The following RIMS2 variants were observed in gnomAD, a reference collection of about 807,000 sequenced individuals.
The protein encoded by RIMS2 is regulating synaptic membrane exocytosis protein 2.
In RIMS2, 59 loss-of-function variants were observed where a neutral mutation model predicts 174.4. That is an observed-to-expected ratio of 0.34 (90% confidence interval 0.27 to 0.42). The LOEUF (loss-of-function observed/expected upper bound fraction) is 0.42, where lower values mean the gene tolerates loss of function less well. RIMS2 is among the 10% of genes least tolerant of loss of function. The pLI, the probability that RIMS2 is intolerant of heterozygous loss-of-function variation, is 1.00. For synonymous variants in RIMS2, 606 were observed against 572.5 expected (o/e 1.06, Z -0.84); for missense variants, 1,620 against 1,666.3 (o/e 0.97, Z 0.48).
intron 1 of RIMS2, among the ~76,000 whole-genome samples, chr8:103,668,737 G>A (rs1392630885): frequency 1.3e-5 from 2 of 151,676 alleles, no homozygotes; most frequent in East Asian, 3.9e-4. Flanking sequence ...CTGGAGTGTG[G>A]TGGCACAGTT....
intron 15 of RIMS2, among the ~76,000 whole-genome samples, chr8:103,974,056 G>A (rs1339989896): frequency 6.6e-6 from 1 of 152,060 alleles, no homozygotes; most frequent in Admixed American, 6.6e-5. Context: ...ACCAACCCTG[G>A]GCAATTGTTC....
chr8:103,563,517 T>C (rs1311166110), intron 1 of RIMS2, among the ~76,000 whole-genome samples: 2 of 152,180 alleles, frequency 1.3e-5, no homozygotes, highest in Non-Finnish European at 2.9e-5. Flanking sequence ...TCCATATCAT[T>C]ATCAGCATTT....
At chr8:103,894,642 A>T (rs2099266907) in intron 4 of RIMS2, among the ~76,000 whole-genome samples, 1 of 151,662 alleles carries the variant, frequency 6.6e-6, no homozygotes, top group South Asian at 2.1e-4. Flanking sequence ...AATTTCAATG[A>T]TAGGAAACAC....
intron 19 of RIMS2, among the ~76,000 whole-genome samples, chr8:104,240,562 A>C (rs1487743162): frequency 1.3e-5 from 2 of 152,242 alleles, no homozygotes; most frequent in Non-Finnish European, 2.9e-5. Flanking sequence ...AGCTGGATTT[A>C]TTTGATTATG....
At chr8:104,082,504 G>A (rs1037991748) in intron 19 of RIMS2, among the ~76,000 whole-genome samples, 1 of 152,108 alleles carries the variant, frequency 6.6e-6, no homozygotes, top group Non-Finnish European at 1.5e-5. Context: ...CTTAAACAAA[G>A]TTATGGCGTT....
chr8:103,832,606 T>C (rs945987627), intron 3 of RIMS2, among the ~76,000 whole-genome samples: 2 of 152,178 alleles, frequency 1.3e-5, no homozygotes, highest in Non-Finnish European at 2.9e-5. Flanking sequence ...TCTCATCATT[T>C]AGCTCCCACT....
rs553495221 is a variant in RIMS2 at position 104,128,015 on chromosome 8, AAAC to A, written c.3334+113405_3334+113407del. On this transcript the variant is annotated intron_variant, in intron 19 of 23. Transcript: ENST00000504942. Reference sequence around the variant, plus strand: ...TAACTCATGTAGCCTAAGGTTCTATAAACAACATAAATTTTTATCATATTAAAT... The same window carrying A: ...TAACTCATGTAGCCTAAGGTTCTATAAACATAAATTTTTATCATATTAAAT... Among the ~76,000 whole-genome samples, 126 of 152,346 alleles carry A rather than the reference AAAC, an allele frequency of 8.3e-4. No individual in the cohort carries two copies. The Middle Eastern group carries it at 0.01, about 12-fold the overall frequency.
intron 3 of RIMS2, among the ~76,000 whole-genome samples, chr8:103,805,375 CTT>C (rs2098643366): frequency 6.7e-6 from 1 of 149,424 alleles, no homozygotes; most frequent in South Asian, 2.1e-4. Flanking sequence ...TGCAGCTACT[CTT>C]GTTTTTTTAA....
At chr8:103,673,964 T>C (rs1336005486) in intron 1 of RIMS2, among the ~76,000 whole-genome samples, 1 of 152,232 alleles carries the variant, frequency 6.6e-6, no homozygotes, top group Non-Finnish European at 1.5e-5. Flanking sequence ...AGGCCACATC[T>C]TGAACTTTTT....
intron 17 of RIMS2, among the ~76,000 whole-genome samples, chr8:104,009,126 T>C (rs1198799794): frequency 6.6e-6 from 1 of 151,948 alleles, no homozygotes; most frequent in East Asian, 1.9e-4. Context: ...AGTTATTTAT[T>C]ATATACAAAT....
intron 1 of RIMS2, among the ~76,000 whole-genome samples, chr8:103,657,943 A>AGC (rs2096551116): frequency 1.3e-5 from 2 of 152,180 alleles, no homozygotes; most frequent in Non-Finnish European, 2.9e-5. Context: ...TGTATTTAAA[A>AGC]TCTAGACCCA....
chr8:104,181,651 A>G lies in RIMS2; in HGVS notation c.3335-63265A>G, dbSNP rs918023646. On this transcript the variant is annotated intron_variant, in intron 19 of 23. Transcript: ENST00000504942. ...CTTAAAAGTAATTTTATTTTAGATA[A>G]TTTTGTACTATTGCTTTTGAACTCT... Among the ~76,000 whole-genome samples the G allele has an allele frequency of 5.9e-5, 9 of 151,674 alleles. No homozygotes were observed. The Admixed American group carries it at 5.9e-4, about 10-fold the overall frequency.
At chr8:103,632,712 C>T (rs918463335) in intron 1 of RIMS2, among the ~76,000 whole-genome samples, 6 of 146,966 alleles carry the variant, frequency 4.1e-5, no homozygotes, top group South Asian at 2.2e-4. Context: ...TGAGCCACTG[C>T]GCCCGGCCAT....
chr8:104,132,622 T>A (rs755792718), intron 19 of RIMS2, among the ~76,000 whole-genome samples: 15 of 152,146 alleles, frequency 9.9e-5, no homozygotes, highest in Non-Finnish European at 2.2e-4. Context: ...GTTATAAAAT[T>A]CCTGACTAAG....
At chr8:103,677,969 C>T (rs1280809036) in intron 1 of RIMS2, among the ~76,000 whole-genome samples, 3 of 152,036 alleles carry the variant, frequency 2.0e-5, no homozygotes, top group Admixed American at 6.6e-5. Flanking sequence ...GTGATAGTTA[C>T]AAGAGTAGGT....
intron 19 of RIMS2, among the ~76,000 whole-genome samples, chr8:104,155,752 A>G (rs2098720083): frequency 6.6e-6 from 1 of 152,160 alleles, no homozygotes. Context: ...ATGAGAAAAT[A>G]GGAAAGTGGC....
At chr8:103,882,185 T>G (rs2099170485) in intron 3 of RIMS2, among the ~76,000 whole-genome samples, 2 of 151,464 alleles carry the variant, frequency 1.3e-5, no homozygotes, top group African/African-American at 4.8e-5. Context: ...ATTTTCCACC[T>G]GATGATAATA....
chr8:103,862,148 TTA>T (rs946332463), intron 3 of RIMS2, among the ~76,000 whole-genome samples: 1 of 152,098 alleles, frequency 6.6e-6, no homozygotes, highest in Non-Finnish European at 1.5e-5. Flanking sequence ...GAGTTAATTT[TTA>T]TATATGGTGA....
chr8:103,889,767 A>C (rs750983006), intron 4 of RIMS2, among the ~76,000 whole-genome samples: 5 of 151,842 alleles, frequency 3.3e-5, no homozygotes, highest in Non-Finnish European at 7.4e-5. Context: ...ATTATTTTAA[A>C]TATACAGAGT....
Sources: gnomAD v4.1 joint callset for allele counts (sites outside exome capture counted in the v4.1 genomes callset) on GRCh38, gnomAD v4.1.1 for gene constraint, MANE v1.5 for transcripts, NCBI Gene and HGNC (gene_info 2026-07-23, HGNC 2026-07-21) for gene names.